The following HMSD variants were observed in gnomAD, a reference collection of about 807,000 sequenced individuals.
HMSD encodes histocompatibility minor serpin domain containing, also known as serpin-like protein HMSD.
A neutral mutation model predicts 10.0 loss-of-function variants in HMSD; 13 were observed. The ratio of observed to expected loss-of-function variants is 1.31; its 90% CI spans 0.85 to 2.08. HMSD has a LOEUF of 2.08. Among genes scored for constraint, HMSD ranks in the 30% most tolerant of loss-of-function variants. The pLI is 0.00. For missense variants in HMSD, 169 were observed against 166.3 expected (o/e 1.02, Z -0.09); for synonymous variants, 51 against 54.2 (o/e 0.94, Z 0.26).
intron 3 of HMSD, 67 bp from the exon 4 acceptor site, chr18:63,960,091 T>C: frequency 7.1e-7 from 1 of 1,410,872 alleles, no homozygotes; most frequent in African/African-American, 1.4e-5. Flanking sequence ...TGTGGCACAA[T>C]GAAGAAGTAA....
chr18:63,952,497 T>C (rs987885102), intron 1 of HMSD, among the ~76,000 whole-genome samples: 3 of 152,216 alleles, frequency 2.0e-5, no homozygotes, highest in African/African-American at 7.2e-5. Flanking sequence ...TATCTATGAA[T>C]TATACTTACA....
downstream of HMSD, among the ~76,000 whole-genome samples, chr18:63,963,094 T>G (rs1276105727): frequency 7.8e-6 from 1 of 128,176 alleles, no homozygotes; most frequent in South Asian, 2.3e-4. Flanking sequence ...TCTTTCTTTC[T>G]TTCTTTCTTT....
chr18:63,958,034 T>G (rs935503433), intron 3 of HMSD, among the ~76,000 whole-genome samples: 1 of 152,158 alleles, frequency 6.6e-6, no homozygotes, highest in African/African-American at 2.4e-5. Flanking sequence ...CAGTTTGCCT[T>G]CAGATTATTT....
downstream of HMSD, among the ~76,000 whole-genome samples, chr18:63,965,112 T>C (rs1599114916): frequency 6.6e-6 from 1 of 152,350 alleles, no homozygotes; most frequent in South Asian, 2.1e-4. Flanking sequence ...CCCACTATTA[T>C]GAAAGAGTGT....
chr18:63,958,657 T>A (rs2050371261), intron 3 of HMSD, among the ~76,000 whole-genome samples: 1 of 152,176 alleles, frequency 6.6e-6, no homozygotes, highest in Non-Finnish European at 1.5e-5. Flanking sequence ...CCCATAATGC[T>A]ATGCATTATG....
chr18:63,960,544 A>G lies in HMSD; in HGVS notation c.*189A>G. On this transcript the variant is annotated 3_prime_UTR_variant, in exon 4 of 4. Coordinates refer to ENST00000408945, the MANE Select transcript of HMSD (RefSeq NM_001123366.2). ...ATATTAGGTAGTTTTTCTTTTCACA[A>G]ATAGCGTTAAAATTTGAATTTAAAA... 1 of 813,896 alleles carries G rather than the reference A, an allele frequency of 1.2e-6. No individual in the cohort carries two copies. The highest frequency in any genetic ancestry group is 1.7e-6 in the Non-Finnish European group (1 of 581,028). The allele number at this position is 813,896 out of a possible 1,614,324, so 50.4% of individuals were successfully genotyped here. A position where few individuals can be genotyped will look rare whatever the true frequency, so the allele number is the denominator to read the frequency against.
downstream of HMSD, among the ~76,000 whole-genome samples, chr18:63,966,209 T>G (rs1225273967): frequency 1.3e-5 from 2 of 152,222 alleles, no homozygotes; most frequent in African/African-American, 4.8e-5. Flanking sequence ...CCATTATGTT[T>G]TGGATTGTCC....
chr18:63,959,381 T>C (rs1402154470), intron 3 of HMSD, among the ~76,000 whole-genome samples: 1 of 152,222 alleles, frequency 6.6e-6, no homozygotes, highest in Non-Finnish European at 1.5e-5. Flanking sequence ...AAACTGTTTT[T>C]AATATCACTT....
rs1420450222 is a variant in HMSD at position 63,961,456 on chromosome 18, G to T, written c.*1101G>T. 6.6e-6 allele frequency: 1 copy of T among 152,228 alleles called. No individual in the cohort carries two copies. Among genetic ancestry groups the T allele is most frequent in the Admixed American group, 6.5e-5 (1 of 15,284 alleles). 9.4% of individuals were successfully genotyped at this position (152,228 alleles called of 1,614,324 possible). A position where few individuals can be genotyped will look rare whatever the true frequency, so the allele number is the denominator to read the frequency against. ...TGTAAAGCCTGAAAGCTCATGTGCTGCCTTGACATCTATGGGCTTCTCAGG... is the reference window on the plus strand; with the variant it reads ...TGTAAAGCCTGAAAGCTCATGTGCTTCCTTGACATCTATGGGCTTCTCAGG... On this transcript the variant is annotated 3_prime_UTR_variant, in exon 4 of 4. Coordinates refer to ENST00000408945, the MANE Select transcript of HMSD (RefSeq NM_001123366.2).
downstream of HMSD, among the ~76,000 whole-genome samples, chr18:63,965,154 AG>A (rs570777910): frequency 1.6e-4 from 24 of 151,144 alleles, no homozygotes; most frequent in Non-Finnish European, 2.5e-4. Context: ...GTGTGGATCT[AG>A]CAAACACATT....
At chr18:63,949,962 A>G (rs1172617258) in intron 1 of HMSD, among the ~76,000 whole-genome samples, 1 of 152,214 alleles carries the variant, frequency 6.6e-6, no homozygotes, top group African/African-American at 2.4e-5. Flanking sequence ...GTTGCCAGAA[A>G]GCAAAAGTGT....
chr18:63,963,101 CTTTCTTT>C (rs1275252239), downstream of HMSD, among the ~76,000 whole-genome samples: 2 of 133,030 alleles, frequency 1.5e-5, no homozygotes, highest in African/African-American at 6.6e-5. Flanking sequence ...TTCTTTCTTT[CTTTCTTT>C]CTTTCTTTCT....
downstream of HMSD, among the ~76,000 whole-genome samples, chr18:63,963,095 T>TTCTTTCTTTCTTTCTTTTCTTTC (rs2050394717): frequency 7.7e-6 from 1 of 129,272 alleles, no homozygotes; most frequent in African/African-American, 3.6e-5. Flanking sequence ...CTTTCTTTCT[T>TTCTTTCTTTCTTTCTTTTCTTTC]TCTTTCTTTC....
downstream of HMSD, among the ~76,000 whole-genome samples, chr18:63,962,414 AC>A (rs2050390707): frequency 6.6e-6 from 1 of 152,178 alleles, no homozygotes. Flanking sequence ...GGGACCAGAA[AC>A]CTGTCTCCCT....
intron 3 of HMSD, among the ~76,000 whole-genome samples, chr18:63,956,580 C>G (rs2050359798): frequency 6.6e-6 from 1 of 152,144 alleles, no homozygotes; most frequent in Non-Finnish European, 1.5e-5. Flanking sequence ...TGTCAAAAAA[C>G]AGATGCTGGT....
intron 3 of HMSD, 109 bp downstream of exon 3, chr18:63,954,666 C>T (rs1010415319): frequency 2.3e-5 from 20 of 858,232 alleles, no homozygotes; most frequent in Middle Eastern, 2.4e-4. Flanking sequence ...CAGAACTCCA[C>T]GCACGAATCT....
In HMSD at chr18:63,960,611, G is replaced by A. The variant is rs1599112434; in HGVS notation, c.*256G>A. 2 of 378,566 alleles carry A rather than the reference G, an allele frequency of 5.3e-6. No individual in the cohort carries two copies. Among genetic ancestry groups the A allele is most frequent in the East Asian group, 7.9e-5 (1 of 12,654 alleles). 23.5% of individuals were successfully genotyped at this position (378,566 alleles called of 1,614,324 possible). ...CTCACTGGTATTGCCATACTGTATG[G>A]TTTACAGGCTTGAAATGCAACTGCT... On this transcript the variant is annotated 3_prime_UTR_variant, in exon 4 of 4. Coordinates refer to ENST00000408945, the MANE Select transcript of HMSD (RefSeq NM_001123366.2).
At chr18:63,950,191 C>G (rs1179071340) in intron 1 of HMSD, among the ~76,000 whole-genome samples, 2 of 151,700 alleles carry the variant, frequency 1.3e-5, no homozygotes, top group Non-Finnish European at 2.9e-5. Flanking sequence ...CTGAGGGGGG[C>G]GGATCACGAG....
downstream of HMSD, among the ~76,000 whole-genome samples, chr18:63,963,115 T>TTC (rs1491310574): frequency 5.3e-4 from 74 of 139,880 alleles, 2 homozygotes; most frequent in African/African-American, 1.9e-3. Context: ...CTTTCTTTCT[T>TTC]TCTTTCTTTC....
Sources: gnomAD v4.1 joint callset for allele counts (sites outside exome capture counted in the v4.1 genomes callset) on GRCh38, gnomAD v4.1.1 for gene constraint, MANE v1.5 for transcripts, NCBI Gene and HGNC (gene_info 2026-07-23, HGNC 2026-07-21) for gene names.